VAV3: variants seen among roughly 807,000 people sequenced by gnomAD.
VAV3 encodes guanine nucleotide exchange factor VAV3.
In VAV3, 94 loss-of-function variants were observed where a neutral mutation model predicts 131.2. The observed-to-expected ratio is 0.72, with a 90% CI of 0.61 to 0.85. The LOEUF (loss-of-function observed/expected upper bound fraction) is 0.85, where lower values mean the gene tolerates loss of function less well. Ranked by LOEUF, VAV3 falls within the 40% of genes least tolerant of loss-of-function variation. VAV3 has a pLI of 0.00. For missense variants in VAV3, 939 were observed against 1,002.7 expected, an observed-to-expected ratio of 0.94 and a Z score of 0.86; for synonymous variants, 349 against 342.0, an observed-to-expected ratio of 1.02 and a Z score of -0.22.
At chr1:107,817,282 A>G (rs1011478598) in intron 2 of VAV3, among the ~76,000 whole-genome samples, 6 of 152,092 alleles carry the variant, frequency 3.9e-5, no homozygotes, top group African/African-American at 1.4e-4. Context: ...GGGCTTGCAG[A>G]GAGAGAGGAG....
Position 107,603,081 on chromosome 1 carries a change from T to C in VAV3, c.2098A>G (p.Thr700Ala). 3 of 1,613,724 alleles carry C rather than the reference T, an allele frequency of 1.9e-6. No individual in the cohort carries two copies. Among genetic ancestry groups the C allele is most frequent in the Non-Finnish European group, 2.5e-6 (3 of 1,179,798 alleles). Residue 700 changes from threonine to alanine, a missense_variant, in exon 23 of 27, where the codon ACC becomes GCC. Transcript: ENST00000370056. ...VNSTYLVRHR[T>A]KESGEYAISI... ...ATTGCATATTCTCCTGACTCTTTGG[T>C]CCTGTGCCTCACAAGGTAAGTACTA... is the stretch of plus-strand genomic sequence containing the variant.
At chr1:107,680,594 C>A (rs1013979919) in intron 19 of VAV3, among the ~76,000 whole-genome samples, 1 of 152,122 alleles carries the variant, frequency 6.6e-6, no homozygotes, top group African/African-American at 2.4e-5. Flanking sequence ...GTCACCCAGG[C>A]TGGAATGTAG....
At chr1:107,813,087 C>G (rs946544935) in intron 2 of VAV3, among the ~76,000 whole-genome samples, 1 of 147,044 alleles carries the variant, frequency 6.8e-6, no homozygotes, top group African/African-American at 2.5e-5. Flanking sequence ...TGCGTGCACT[C>G]TAGCCTAAGC....
At chr1:107,682,263 G>C (rs552279479) in intron 19 of VAV3, among the ~76,000 whole-genome samples, 2 of 151,670 alleles carry the variant, frequency 1.3e-5, no homozygotes, top group Non-Finnish European at 2.9e-5. Context: ...TTCCCTGAGG[G>C]GAGAAGAAAG....
intron 25 of VAV3, among the ~76,000 whole-genome samples, chr1:107,589,395 C>T (rs1417367643): frequency 6.6e-6 from 1 of 152,164 alleles, no homozygotes; most frequent in African/African-American, 2.4e-5. Context: ...GACGTGAAGA[C>T]CAGCAGAGAC....
chr1:107,964,697 T>C lies in VAV3; in HGVS notation c.173A>G (p.Lys58Arg). 1 of 1,613,872 alleles carries C rather than the reference T, an allele frequency of 6.2e-7. No homozygotes were observed. Residue 58 changes from lysine to arginine, a missense_variant, in exon 1 of 27, where the codon AAG becomes AGG. Physicochemically the swap from Lys to Arg is conservative, Grantham distance 26 (BLOSUM62 2). Transcript: ENST00000370056. ...NNLRAHSINL[K>R]EINLRPQMSQ... ...CATCTGCGGCCTCAGGTTGATCTCC[T>C]TCAGGTTGATGGAGTGCGCCCGGAG...
chr1:107,910,981 C>G (rs560513238), intron 1 of VAV3, among the ~76,000 whole-genome samples: 9 of 150,526 alleles, frequency 6.0e-5, no homozygotes, highest in Non-Finnish European at 1.2e-4. Flanking sequence ...AAGACTCAGT[C>G]TCATTAAAAG....
chr1:107,751,091 T>C, intron 13 of VAV3, 26 bp downstream of exon 13: 1 of 1,594,200 alleles, frequency 6.3e-7, no homozygotes, highest in East Asian at 2.2e-5. Flanking sequence ...TTACTTATTT[T>C]GAAAATAGTA....
intron 12 of VAV3, 31 bp downstream of exon 12, chr1:107,755,396 G>A (rs1664044893): frequency 6.7e-7 from 1 of 1,493,034 alleles, no homozygotes; most frequent in African/African-American, 1.4e-5. Context: ...GTGGGGGTGA[G>A]GGGAAGCTGG....
At chr1:107,575,441 A>C (rs1398286978) in intron 25 of VAV3, among the ~76,000 whole-genome samples, 3 of 152,140 alleles carry the variant, frequency 2.0e-5, no homozygotes, top group Non-Finnish European at 2.9e-5. Flanking sequence ...TAATGACAGA[A>C]ATTTTTTTAG....
At chr1:107,669,553 C>T (rs1203100379) in intron 19 of VAV3, 1 of 1,222,322 alleles carries the variant, frequency 8.2e-7, no homozygotes, top group African/African-American at 1.6e-5. Flanking sequence ...ATCTTTGATA[C>T]TCGGTAGCTG....
At chr1:107,859,073 GTTTT>G (rs576650255) in intron 2 of VAV3, among the ~76,000 whole-genome samples, 5 of 138,648 alleles carry the variant, frequency 3.6e-5, no homozygotes, top group African/African-American at 1.1e-4. Context: ...TTCTTGAGGA[GTTTT>G]TTTTTTTTTT....
At chr1:107,863,832 C>T (rs1029772017) in intron 2 of VAV3, among the ~76,000 whole-genome samples, 3 of 152,296 alleles carry the variant, frequency 2.0e-5, no homozygotes, top group African/African-American at 4.8e-5. Context: ...TTTCAGTTCT[C>T]AAACCAGATT....
At chr1:107,646,136 G>C (rs975972053) in intron 19 of VAV3, among the ~76,000 whole-genome samples, 2 of 152,028 alleles carry the variant, frequency 1.3e-5, no homozygotes, top group Admixed American at 1.3e-4. Flanking sequence ...ATACTTCAAA[G>C]GATGCTGAGG....
At chr1:107,764,981 T>C in intron 9 of VAV3, 95 bp downstream of exon 9, 1 of 728,662 alleles carries the variant, frequency 1.4e-6, no homozygotes, top group Non-Finnish European at 2.3e-6. Context: ...ATATTTAAAA[T>C]AATGGGAAAT....
intron 20 of VAV3, among the ~76,000 whole-genome samples, chr1:107,627,743 T>C (rs1351996591): frequency 6.6e-6 from 1 of 152,180 alleles, no homozygotes; most frequent in Non-Finnish European, 1.5e-5. Flanking sequence ...GTTTTAAAAT[T>C]ATTCTGAGAG....
intron 25 of VAV3, among the ~76,000 whole-genome samples, chr1:107,579,344 T>C (rs1339094428): frequency 6.6e-6 from 1 of 152,240 alleles, no homozygotes; most frequent in Non-Finnish European, 1.5e-5. Context: ...GACACTGCTA[T>C]GAAGACTAGC....
At chr1:107,821,538 A>C (rs767956295) in intron 2 of VAV3, among the ~76,000 whole-genome samples, 2 of 152,214 alleles carry the variant, frequency 1.3e-5, no homozygotes, top group Non-Finnish European at 2.9e-5. Context: ...CAGGAAGAGC[A>C]CCAGCAAAGT....
chr1:107,815,980 T>C (rs1045723022), intron 2 of VAV3, among the ~76,000 whole-genome samples: 1 of 152,100 alleles, frequency 6.6e-6, no homozygotes, highest in Non-Finnish European at 1.5e-5. Flanking sequence ...CTACATCCCT[T>C]GTATGCGCAG....
Sources: gnomAD v4.1 joint callset for allele counts (sites outside exome capture counted in the v4.1 genomes callset) on GRCh38, gnomAD v4.1.1 for gene constraint, MANE v1.5 for transcripts, NCBI Gene and HGNC (gene_info 2026-07-23, HGNC 2026-07-21) for gene names.